The following CNBD1 variants were observed in gnomAD, a reference collection of about 807,000 sequenced individuals.
The protein encoded by CNBD1 is cyclic nucleotide binding domain containing 1.
CNBD1 carries 71 observed loss-of-function variants against 54.4 expected under a neutral mutation model. That is an observed-to-expected ratio of 1.30 (90% CI 1.08 to 1.59). CNBD1 has a LOEUF of 1.59. Ranked by LOEUF, CNBD1 falls within the 40% of genes most tolerant of loss-of-function variation. CNBD1 has a pLI of 0.00. For missense variants in CNBD1, 659 were observed against 518.0 expected (o/e 1.27, Z -2.64); for synonymous variants, 182 against 170.7 (o/e 1.07, Z -0.51).
chr8:87,018,845 C>T (rs1352912061), intron 4 of CNBD1, among the ~76,000 whole-genome samples: 1 of 152,068 alleles, frequency 6.6e-6, no homozygotes, highest in Non-Finnish European at 1.5e-5. Flanking sequence ...AAAATTAAAA[C>T]AAAATCAAAC....
chr8:87,281,575 TATATATATATATATATATATATATATAA>T (rs1563536685), intron 6 of CNBD1, among the ~76,000 whole-genome samples: 5 of 53,684 alleles, frequency 9.3e-5, no homozygotes, highest in Admixed American at 1.7e-4. Context: ...TATATATATA[TATATATATATATATATATATATATATAA>T]CTAATTTTTA....
At chr8:87,298,687 T>C (rs1457984199) in intron 8 of CNBD1, among the ~76,000 whole-genome samples, 1 of 151,896 alleles carries the variant, frequency 6.6e-6, no homozygotes, top group Admixed American at 6.6e-5. Context: ...GGTTTCACCG[T>C]GTTGGCCAGG....
At chr8:86,986,975 T>A (rs1373860490) in intron 4 of CNBD1, among the ~76,000 whole-genome samples, 1 of 152,210 alleles carries the variant, frequency 6.6e-6, no homozygotes, top group Non-Finnish European at 1.5e-5. Context: ...TTGCTTAGGA[T>A]TGCTTTGGCT....
chr8:87,230,809 CATTT>C lies in CNBD1; in HGVS notation c.578-6104_578-6101del, dbSNP rs1814672394. On this transcript the variant is annotated intron_variant, in intron 5 of 10. Coordinates refer to ENST00000518476, the MANE Select transcript of CNBD1 (RefSeq NM_173538.3). ...ATTAAGAGGTTGCTTCTTAAGGAGTCATTTATTTAGGAATAGCCAATCAACCCAC... is the reference window on the plus strand; with the variant it reads ...ATTAAGAGGTTGCTTCTTAAGGAGTCATTTAGGAATAGCCAATCAACCCAC... Among the ~76,000 whole-genome samples, 2 of 152,064 alleles carry C rather than the reference CATTT, an allele frequency of 1.3e-5. 1 individual carries two copies. Among genetic ancestry groups the C allele is most frequent in the South Asian group, 4.1e-4 (2 of 4,824 alleles).
At chr8:87,321,979 G>C (rs1484274456) in intron 8 of CNBD1, among the ~76,000 whole-genome samples, 1 of 144,272 alleles carries the variant, frequency 6.9e-6, no homozygotes, top group Non-Finnish European at 1.5e-5. Context: ...ACAGTCCCCA[G>C]AGTGTGATAT....
chr8:87,353,803 C>T lies in CNBD1; in HGVS notation c.1303+17C>T. 2 of 1,572,986 alleles carry T rather than the reference C, an allele frequency of 1.3e-6. No individual in the cohort carries two copies. Among genetic ancestry groups the T allele is most frequent in the Non-Finnish European group, 1.7e-6 (2 of 1,157,650 alleles). The stretch of plus-strand genomic sequence containing the variant: ...ACCTATTTGGTAAATGCATAAATAT[C>T]TTTTAACTGTTATACCATTTTATTG... On this transcript the variant is annotated intron_variant, in intron 10 of 10. Coordinates refer to ENST00000518476, the MANE Select transcript of CNBD1 (RefSeq NM_173538.3).
chr8:87,388,406 T>C (rs1184004786), intron 2 of CNBD1, among the ~76,000 whole-genome samples: 5 of 151,866 alleles, frequency 3.3e-5, no homozygotes, highest in Admixed American at 3.3e-4. Flanking sequence ...CAATAAAAAA[T>C]GATAAAGGGG....
intron 4 of CNBD1, among the ~76,000 whole-genome samples, chr8:87,058,857 T>C (rs1810481321): frequency 6.6e-6 from 1 of 152,224 alleles, no homozygotes; most frequent in Non-Finnish European, 1.5e-5. Flanking sequence ...ATTTGGCTTA[T>C]TGTTACTTAT....
intron 4 of CNBD1, among the ~76,000 whole-genome samples, chr8:87,116,188 C>T (rs1277501996): frequency 1.5e-5 from 2 of 136,740 alleles, no homozygotes; most frequent in African/African-American, 2.7e-5. Flanking sequence ...TTATTCTATT[C>T]TCATGTCTTT....
chr8:87,077,630 G>A (rs1178681420), intron 4 of CNBD1, among the ~76,000 whole-genome samples: 2 of 138,648 alleles, frequency 1.4e-5, no homozygotes, highest in African/African-American at 5.4e-5. Context: ...AAGTGTTCTT[G>A]TTGTTCAATT....
chr8:87,094,827 C>A (rs548053326), intron 4 of CNBD1, among the ~76,000 whole-genome samples: 14 of 152,300 alleles, frequency 9.2e-5, no homozygotes, highest in African/African-American at 3.4e-4. Flanking sequence ...CACCTGAGGT[C>A]AGGAGTTCAA....
At chr8:87,411,703 A>G (rs2130985535) in intron 2 of CNBD1, among the ~76,000 whole-genome samples, 1 of 149,716 alleles carries the variant, frequency 6.7e-6, no homozygotes, top group Non-Finnish European at 1.5e-5. Flanking sequence ...TATTACACCC[A>G]TTGATGTTTT....
chr8:87,261,889 T>C (rs986208565), intron 6 of CNBD1, among the ~76,000 whole-genome samples: 3 of 151,558 alleles, frequency 2.0e-5, no homozygotes, highest in Non-Finnish European at 4.4e-5. Context: ...CTCACACCTA[T>C]AATCCCGGCA....
At chr8:86,904,306 T>C (rs1021717966) in intron 2 of CNBD1, among the ~76,000 whole-genome samples, 15 of 152,098 alleles carry the variant, frequency 9.9e-5, no homozygotes, top group African/African-American at 3.4e-4. Context: ...GATGAATGTT[T>C]AGCATTTTTT....
chr8:87,187,656 A>G (rs544103671), intron 4 of CNBD1, among the ~76,000 whole-genome samples: 1 of 152,150 alleles, frequency 6.6e-6, no homozygotes, highest in Non-Finnish European at 1.5e-5. Context: ...GTTAACTCCT[A>G]TGGAAGGACA....
chr8:87,322,511 T>C (rs1251662764), intron 8 of CNBD1, among the ~76,000 whole-genome samples: 1 of 121,944 alleles, frequency 8.2e-6, no homozygotes, highest in African/African-American at 3.1e-5. Flanking sequence ...TGGTGTGAGA[T>C]GATATCTCAT....
At chr8:87,260,166 G>T (rs979256769) in intron 6 of CNBD1, among the ~76,000 whole-genome samples, 3 of 152,160 alleles carry the variant, frequency 2.0e-5, no homozygotes, top group African/African-American at 7.2e-5. Flanking sequence ...TTTTGAGATT[G>T]CAAAGGCTTT....
intron 10 of CNBD1, among the ~76,000 whole-genome samples, chr8:87,356,348 C>T (rs1381381116): frequency 6.6e-6 from 1 of 152,164 alleles, no homozygotes; most frequent in Admixed American, 6.6e-5. Context: ...TAGTTGTGAA[C>T]AAAATACTGA....
intron 4 of CNBD1, among the ~76,000 whole-genome samples, chr8:87,044,952 A>G (rs1210093501): frequency 6.6e-6 from 1 of 152,090 alleles, no homozygotes; most frequent in African/African-American, 2.4e-5. Flanking sequence ...CCAACTAGCC[A>G]TAGTTGTCTG....
Sources: allele counts gnomAD v4.1 joint callset (sites outside exome capture counted in the v4.1 genomes callset), GRCh38; gene constraint gnomAD v4.1.1; transcripts MANE v1.5; gene names NCBI Gene and HGNC (gene_info 2026-07-23, HGNC 2026-07-21).